The following OCA2 variants were observed in gnomAD, a reference collection of about 807,000 sequenced individuals.
The protein encoded by OCA2 is P protein.
In OCA2, 77 loss-of-function variants were observed where a neutral mutation model predicts 100.2. That is an observed-to-expected ratio of 0.77 (90% CI 0.64 to 0.93). The LOEUF is 0.93. Among genes scored for constraint, OCA2 ranks in the 40% least tolerant of loss-of-function variants. The probability of loss-of-function intolerance (pLI) is 0.00; values close to 1 mark genes in which losing one functional copy is unlikely to be tolerated. For synonymous variants in OCA2, 432 were observed against 439.2 expected (o/e 0.98, Z 0.21); for missense variants, 1,062 against 1,089.1 (o/e 0.98, Z 0.35).
chr15:27,834,280 TG>T lies in OCA2; in HGVS notation c.2432+10678del, dbSNP rs751619571. Among the ~76,000 whole-genome samples, 5 of 152,202 alleles carry T rather than the reference TG, an allele frequency of 3.3e-5. No homozygotes were observed. The East Asian group carries it at 9.6e-4, about 29-fold the overall frequency. Reference sequence around the variant, plus strand: ...AGTGGAGTTCTGGGATCCTCCATGTTGGTGAACGAATTCATGTGTCAGGAGG... The same window carrying T: ...AGTGGAGTTCTGGGATCCTCCATGTTGTGAACGAATTCATGTGTCAGGAGG... On this transcript the variant is annotated intron_variant, in intron 23 of 23. Coordinates refer to ENST00000354638, the MANE Select transcript of OCA2 (RefSeq NM_000275.3).
chr15:28,001,920 G>A (rs1056391709), intron 9 of OCA2, among the ~76,000 whole-genome samples: 4 of 152,192 alleles, frequency 2.6e-5, no homozygotes, highest in Admixed American at 6.5e-5. Context: ...CCAGCTAGGC[G>A]ACCTGGAGCC....
chr15:27,933,669 C>T (rs2039343828), intron 18 of OCA2, among the ~76,000 whole-genome samples: 1 of 152,152 alleles, frequency 6.6e-6, no homozygotes, highest in African/African-American at 2.4e-5. Flanking sequence ...GCGGGAGTCA[C>T]AACGTGCATG....
At chr15:27,902,313 T>C (rs2037980263) in intron 19 of OCA2, among the ~76,000 whole-genome samples, 1 of 152,186 alleles carries the variant, frequency 6.6e-6, no homozygotes, top group African/African-American at 2.4e-5. Context: ...TTCCTAACTT[T>C]GGGAACACTA....
chr15:28,016,250 C>T, intron 7 of OCA2, 64 bp from the exon 8 acceptor site: 1 of 1,223,808 alleles, frequency 8.2e-7, no homozygotes, highest in South Asian at 1.2e-5. Flanking sequence ...TGGGATCTGG[C>T]ACTGCTCGGT....
At chr15:27,767,435 TA>T (rs1029019972) in intron 23 of OCA2, among the ~76,000 whole-genome samples, 6 of 152,318 alleles carry the variant, frequency 3.9e-5, no homozygotes, top group African/African-American at 1.2e-4. Context: ...CTTTTCTGTC[TA>T]ACTAGAGGAT....
At position 27,985,046 on chromosome 15, in the gene OCA2, C is replaced by G. The variant is rs376492129; in HGVS notation, c.1364+18G>C. The stretch of plus-strand genomic sequence containing the variant: ...CAGAACCTGGCCGCAACTCCCACGG[C>G]AGAGGTGCTTTGCGTACCTTATGGT... On this transcript the variant is annotated intron_variant, in intron 13 of 23. Transcript: ENST00000354638. The G allele has an allele frequency of 1.9e-6, 3 of 1,613,666 alleles. No homozygotes were observed. The African/African-American group carries it at 4.0e-5, about 22-fold the overall frequency.
At chr15:27,930,866 C>T (rs1390471814) in intron 18 of OCA2, among the ~76,000 whole-genome samples, 2 of 152,046 alleles carry the variant, frequency 1.3e-5, no homozygotes, top group Admixed American at 1.3e-4. Flanking sequence ...ATATTTTTTG[C>T]TGTCTCCAGT....
chr15:27,971,220 A>C (rs2040777706), intron 14 of OCA2, among the ~76,000 whole-genome samples: 1 of 152,186 alleles, frequency 6.6e-6, no homozygotes, highest in Non-Finnish European at 1.5e-5. Flanking sequence ...CCCAGCGCAC[A>C]GTATAGTGGG....
intron 2 of OCA2, among the ~76,000 whole-genome samples, chr15:28,050,510 G>A (rs561532094): frequency 8.7e-5 from 13 of 149,686 alleles, no homozygotes; most frequent in African/African-American, 2.5e-4. Context: ...GAAGTGAGTC[G>A]AGATCGTGCC....
chr15:28,095,524 C>G (rs1442206067), intron 1 of OCA2, among the ~76,000 whole-genome samples: 6 of 152,020 alleles, frequency 3.9e-5, no homozygotes, highest in Non-Finnish European at 7.4e-5. Context: ...CGTGACCAGG[C>G]TGACCAACAT....
chr15:28,076,389 A>C (rs531132204), intron 2 of OCA2, among the ~76,000 whole-genome samples: 4 of 152,356 alleles, frequency 2.6e-5, no homozygotes, highest in Non-Finnish European at 5.9e-5. Flanking sequence ...ATCTGCCATC[A>C]AATATATTCC....
chr15:27,905,256 G>GA (rs762365283), intron 19 of OCA2, among the ~76,000 whole-genome samples: 9 of 151,408 alleles, frequency 5.9e-5, no homozygotes, highest in Non-Finnish European at 1.2e-4. Context: ...CCAAAAGACA[G>GA]AAAAAGAAAG....
chr15:27,720,451 CTGTT>C, the OCA2 span, among the ~76,000 whole-genome samples: 4 of 149,494 alleles, frequency 2.7e-5, no homozygotes, highest in African/African-American at 7.4e-5. Context: ...TGAAATTCAT[CTGTT>C]TATATATATA....
chr15:28,060,158 C>T lies in OCA2; in HGVS notation c.227+21490G>A, dbSNP rs532732805. Among the ~76,000 whole-genome samples, 9 of 152,298 alleles carry T rather than the reference C, an allele frequency of 5.9e-5. No homozygotes were observed. The South Asian group carries it at 1.4e-3, about 25-fold the overall frequency. ...GCCAGGCTCCTCAGGGTGCCGGCCC[C>T]GCACTGAGGCAGGTGGGAAGTGTAG... On this transcript the variant is annotated intron_variant, in intron 2 of 23. Coordinates refer to ENST00000354638, the MANE Select transcript of OCA2 (RefSeq NM_000275.3).
intron 23 of OCA2, among the ~76,000 whole-genome samples, chr15:27,793,590 G>C (rs2033185057): frequency 6.6e-6 from 1 of 152,198 alleles, no homozygotes; most frequent in Non-Finnish European, 1.5e-5. Flanking sequence ...TAGGATTTGA[G>C]AGCTGAAATT....
chr15:27,776,820 C>T (rs1310926603), intron 23 of OCA2: 1 of 152,216 alleles, frequency 6.6e-6, no homozygotes, highest in African/African-American at 2.4e-5. Context: ...TCCTCTGCAC[C>T]CTCTTTAATC....
chr15:27,836,913 A>T (rs759769934), intron 23 of OCA2, among the ~76,000 whole-genome samples: 27 of 152,234 alleles, frequency 1.8e-4, no homozygotes, highest in Admixed American at 7.8e-4. Flanking sequence ...GCTATGTTCT[A>T]AGAAACCACA....
At chr15:27,907,852 A>G (rs986636812) in intron 19 of OCA2, among the ~76,000 whole-genome samples, 2 of 152,218 alleles carry the variant, frequency 1.3e-5, no homozygotes, top group African/African-American at 4.8e-5. Context: ...AGAAATAAAA[A>G]GTTATTGAAG....
At chr15:28,016,077 C>G (rs906786199) in intron 8 of OCA2, 27 bp downstream of exon 8, 2 of 1,593,360 alleles carry the variant, frequency 1.3e-6, no homozygotes, top group Non-Finnish European at 1.7e-6. Flanking sequence ...AGAGCCTGCC[C>G]CAACACCTCA....
Sources: allele counts gnomAD v4.1 joint callset (sites outside exome capture counted in the v4.1 genomes callset), GRCh38; gene constraint gnomAD v4.1.1; transcripts MANE v1.5; gene names NCBI Gene and HGNC (gene_info 2026-07-23, HGNC 2026-07-21).